The following CELF2 variants were observed in gnomAD, a reference collection of about 807,000 sequenced individuals.
The protein encoded by CELF2 is CUG triplet repeat RNA-binding protein 2.
Under a neutral mutation model 62.6 loss-of-function variants are expected in CELF2, and 8 were observed. The observed-to-expected ratio is 0.13, with a 90% confidence interval of 0.07 to 0.23. The LOEUF (loss-of-function observed/expected upper bound fraction) is 0.23, where lower values mean the gene tolerates loss of function less well. Ranked by LOEUF, CELF2 falls within the 10% of genes least tolerant of loss-of-function variation. The probability of loss-of-function intolerance (pLI) is 1.00; values close to 1 mark genes in which losing one functional copy is unlikely to be tolerated. For synonymous variants in CELF2, 258 were observed against 250.0 expected (o/e 1.03, Z -0.30); for missense variants, 333 against 671.0 (o/e 0.50, Z 5.56).
rs1374861688 is a variant in CELF2, at chr10:10,975,843, GCTCC to G, written c.89+55845_89+55848del. 9.2e-5 allele frequency among the ~76,000 whole-genome samples: 14 copies of G among 152,312 alleles called. No individual in the cohort carries two copies. The South Asian group carries it at 2.9e-3, about 32-fold the overall frequency. ...GAGCAATCTTTTGTTGAACAGTGCTGCTCCTTGCAGAGCACAGCTGACTCATAGG... is the reference window on the plus strand; with the variant it reads ...GAGCAATCTTTTGTTGAACAGTGCTGTTGCAGAGCACAGCTGACTCATAGG... On this transcript the variant is annotated intron_variant, in intron 2 of 13. Transcript: ENST00000636488.
chr10:10,951,118 A>C (rs766274259), intron 2 of CELF2, among the ~76,000 whole-genome samples: 13 of 152,276 alleles, frequency 8.5e-5, no homozygotes, highest in African/African-American at 2.2e-4. Flanking sequence ...AAATTCTTCA[A>C]ACCACTCGGA....
the CELF2 span, among the ~76,000 whole-genome samples, chr10:10,533,395 T>C: frequency 6.6e-6 from 1 of 152,224 alleles, no homozygotes; most frequent in Admixed American, 6.5e-5. Flanking sequence ...ATACAAACTT[T>C]TAATGATCAT....
chr10:11,000,025 C>T (rs946077970), intron 2 of CELF2, among the ~76,000 whole-genome samples: 3 of 152,202 alleles, frequency 2.0e-5, no homozygotes, highest in Admixed American at 6.5e-5. Flanking sequence ...TGAATATTCA[C>T]CTGTGGCCTT....
intron 9 of CELF2, among the ~76,000 whole-genome samples, chr10:11,299,462 C>T (rs1481404776): frequency 6.6e-6 from 1 of 151,382 alleles, no homozygotes; most frequent in African/African-American, 2.4e-5. Context: ...TGCCCCCCAA[C>T]CCCCCCCAGG....
chr10:10,661,997 C>G, the CELF2 span, among the ~76,000 whole-genome samples: 1 of 152,038 alleles, frequency 6.6e-6, no homozygotes, highest in East Asian at 1.9e-4. Context: ...GAAGTAGCCT[C>G]CCAGGTACCT....
chr10:11,006,423 T>C (rs920106699), intron 1 of CELF2, among the ~76,000 whole-genome samples: 4 of 152,220 alleles, frequency 2.6e-5, no homozygotes, highest in Admixed American at 6.5e-5. Flanking sequence ...AAGTTAGAGA[T>C]TTATTTCTTA....
intron 2 of CELF2, among the ~76,000 whole-genome samples, chr10:10,953,808 A>G: frequency 7.3e-6 from 1 of 137,242 alleles, no homozygotes; most frequent in Non-Finnish European, 1.6e-5. Context: ...CAAAAACATC[A>G]CAAGCAAAGT....
chr10:10,465,037 C>G, the CELF2 span, among the ~76,000 whole-genome samples: 2 of 152,078 alleles, frequency 1.3e-5, no homozygotes, highest in African/African-American at 4.8e-5. Context: ...CTTCTACTTG[C>G]ACAGGTGTTG....
chr10:10,779,821 T>G, the CELF2 span, among the ~76,000 whole-genome samples: 4 of 152,078 alleles, frequency 2.6e-5, no homozygotes, highest in Non-Finnish European at 4.4e-5. Context: ...TCTTAATTTC[T>G]TTTTCTATAA....
At position 10,805,233 on chromosome 10, in the gene CELF2, G is replaced by A. The variant is rs551505661; in HGVS notation, c.53+6416G>A. On this transcript the variant is annotated intron_variant, in intron 1 of 13. Transcript: ENST00000636488. Reference sequence around the variant, plus strand: ...AACACACACATACAACAGGTGTGGAGCCCCAGTGTGGACTTGGGTATTGCT... The same window carrying A: ...AACACACACATACAACAGGTGTGGAACCCCAGTGTGGACTTGGGTATTGCT... Among the ~76,000 whole-genome samples, 5 of 152,262 alleles carry A rather than the reference G, an allele frequency of 3.3e-5. No homozygotes were observed. The East Asian group carries it at 9.7e-4, about 29-fold the overall frequency.
chr10:10,689,237 G>C, the CELF2 span, among the ~76,000 whole-genome samples: 1 of 152,110 alleles, frequency 6.6e-6, no homozygotes, highest in Non-Finnish European at 1.5e-5. Flanking sequence ...CATGGTGAAA[G>C]GGGAGGGGGA....
rs1267336175 is a variant in CELF2, at chr10:10,928,891, G to A, written c.89+8892G>A. Among the ~76,000 whole-genome samples, 5 of 152,134 alleles carry A rather than the reference G, an allele frequency of 3.3e-5. No homozygotes were observed. Among genetic ancestry groups the A allele is most frequent in the Admixed American group, 2.6e-4 (4 of 15,278 alleles). On this transcript the variant is annotated intron_variant, in intron 2 of 13. Transcript: ENST00000636488. This position sits in a 1 kb window ranked among gnomAD's most constrained non-coding sequence, Gnocchi z 4.8. ...GCAGTGCCTGGAACATAGTAGGCACGAATAAATATTTGCATAAGTGTTTGA... is the reference window on the plus strand; with the variant it reads ...GCAGTGCCTGGAACATAGTAGGCACAAATAAATATTTGCATAAGTGTTTGA...
At chr10:10,877,722 G>C (rs182111034) in intron 1 of CELF2, among the ~76,000 whole-genome samples, 2 of 152,332 alleles carry the variant, frequency 1.3e-5, no homozygotes, top group Non-Finnish European at 2.9e-5. Context: ...GTAAGATAAT[G>C]AGTGAGATGG....
intron 3 of CELF2, among the ~76,000 whole-genome samples, chr10:11,228,640 C>A (rs1480239933): frequency 6.7e-6 from 1 of 149,704 alleles, no homozygotes; most frequent in African/African-American, 2.5e-5. Flanking sequence ...AAGCATTAGC[C>A]TAGATTTTGA....
At chr10:10,734,196 G>A in the CELF2 span, among the ~76,000 whole-genome samples, 1 of 152,034 alleles carries the variant, frequency 6.6e-6, no homozygotes, top group African/African-American at 2.4e-5. Flanking sequence ...CAGAATGGTT[G>A]ACCAGAAACT....
rs1554826578 is a variant in CELF2, at chr10:11,086,601, A to AAAAAC, written c.74+68442_74+68443insCAAAA. ...GTTAAAAAAAAAAAAAAAAAAAAAA[A>AAAAAC]AAAAAAAAACTCCCGACAGCACCAG... On this transcript the variant is annotated intron_variant, in intron 1 of 12. Transcript: ENST00000633077. Among the ~76,000 whole-genome samples the AAAAAC allele has an allele frequency of 5.0e-5, 7 of 140,718 alleles. 1 individual carries two copies. Among genetic ancestry groups the AAAAAC allele is most frequent in the African/African-American group, 2.0e-4 (7 of 35,352 alleles). The allele number at this position is 140,718 out of a possible 152,430, so 92.3% of individuals were successfully genotyped here. A position where few individuals can be genotyped will look rare whatever the true frequency, so the allele number is the denominator to read the frequency against.
the CELF2 span, among the ~76,000 whole-genome samples, chr10:10,670,483 A>C: frequency 6.6e-6 from 1 of 152,218 alleles, no homozygotes; most frequent in Non-Finnish European, 1.5e-5. Context: ...AAAGGTACAA[A>C]GAATTCTCAT....
the CELF2 span, among the ~76,000 whole-genome samples, chr10:10,775,428 G>C: frequency 6.6e-6 from 1 of 151,960 alleles, no homozygotes; most frequent in Non-Finnish European, 1.5e-5. Flanking sequence ...TCAGGAATTT[G>C]AGACCAGCCT....
At chr10:11,215,442 C>T (rs576296724) in intron 2 of CELF2, among the ~76,000 whole-genome samples, 1 of 152,198 alleles carries the variant, frequency 6.6e-6, no homozygotes, top group African/African-American at 2.4e-5. Flanking sequence ...TTGGCTGTGG[C>T]GTGGCCAAAC....
Sources: gnomAD v4.1 joint callset for allele counts (sites outside exome capture counted in the v4.1 genomes callset) on GRCh38, gnomAD v4.1.1 for gene constraint, Gnocchi (gnomAD v3.1) non-coding constraint, MANE v1.5 for transcripts, NCBI Gene and HGNC (gene_info 2026-07-23, HGNC 2026-07-21) for gene names.